PLCB4: variants seen among roughly 807,000 people sequenced by gnomAD.
PLCB4 encodes 1-phosphatidylinositol 4,5-bisphosphate phosphodiesterase beta-4.
A neutral mutation model predicts 178.8 loss-of-function variants in PLCB4; 77 were observed. The ratio of observed to expected loss-of-function variants is 0.43; its 90% CI spans 0.36 to 0.52. The LOEUF (loss-of-function observed/expected upper bound fraction) is 0.52, where lower values mean the gene tolerates loss of function less well. PLCB4 is among the 20% of genes least tolerant of loss of function. The probability of loss-of-function intolerance (pLI) is 0.00; values close to 1 mark genes in which losing one functional copy is unlikely to be tolerated. For missense variants in PLCB4, 1,024 were observed against 1,453.4 expected, an observed-to-expected ratio of 0.70 and a Z score of 4.80; for synonymous variants, 496 against 490.8, an observed-to-expected ratio of 1.01 and a Z score of -0.14.
chr20:9,337,885 C>T, intron 5 of PLCB4, 123 bp from the exon 6 acceptor site: 12 of 606,266 alleles, frequency 2.0e-5, no homozygotes, highest in Admixed American at 2.8e-5. Context: ...GTTTTAATTC[C>T]CTCTTCAAGC....
chr20:9,355,631 A>G (rs1602062690), intron 7 of PLCB4, among the ~76,000 whole-genome samples: 1 of 151,708 alleles, frequency 6.6e-6, no homozygotes, highest in African/African-American at 2.4e-5. Context: ...TGAACTCATC[A>G]TTTTTTATGG....
chr20:9,122,418 G>T (rs1031237373), intron 2 of PLCB4, among the ~76,000 whole-genome samples: 10 of 151,742 alleles, frequency 6.6e-5, no homozygotes, highest in Admixed American at 5.9e-4. Context: ...TTTAATGGTT[G>T]CATACCTTTA....
intron 1 of PLCB4, among the ~76,000 whole-genome samples, chr20:9,078,356 CTCTTT>C (rs10626082): frequency 2.6e-4 from 40 of 151,304 alleles, no homozygotes; most frequent in Middle Eastern, 3.4e-3. Context: ...TTCTTTTCTT[CTCTTT>C]TCTTTTCTTC....
chr20:9,432,420 G>A (rs1262533555), intron 28 of PLCB4, among the ~76,000 whole-genome samples: 1 of 152,176 alleles, frequency 6.6e-6, no homozygotes, highest in East Asian at 1.9e-4. Flanking sequence ...TTAAAAATTA[G>A]CGAGTATTTG....
chr20:9,290,163 T>A (rs1713551418), intron 3 of PLCB4, among the ~76,000 whole-genome samples: 1 of 144,028 alleles, frequency 6.9e-6, no homozygotes, highest in South Asian at 2.3e-4. Context: ...AACTTTATCC[T>A]TTCAGAAAAA....
intron 27 of PLCB4, among the ~76,000 whole-genome samples, chr20:9,423,464 G>A (rs1208120494): frequency 6.6e-6 from 1 of 152,096 alleles, no homozygotes; most frequent in Non-Finnish European, 1.5e-5. Context: ...TATATGGGTG[G>A]GGACAAGGAT....
intron 2 of PLCB4, among the ~76,000 whole-genome samples, chr20:9,169,588 T>G (rs1330799079): frequency 1.4e-5 from 2 of 138,170 alleles, no homozygotes; most frequent in Admixed American, 7.1e-5. Flanking sequence ...GACTGTCTAA[T>G]AAATAAATAA....
chr20:9,202,876 A>G (rs1224855680), intron 2 of PLCB4, among the ~76,000 whole-genome samples: 1 of 151,922 alleles, frequency 6.6e-6, no homozygotes. Flanking sequence ...GGGCTCTGAC[A>G]TCAGCAGCTG....
chr20:9,160,774 G>A (rs2092875490), intron 2 of PLCB4, among the ~76,000 whole-genome samples: 1 of 152,186 alleles, frequency 6.6e-6, no homozygotes, highest in Admixed American at 6.6e-5. Flanking sequence ...AAGCCTTGTG[G>A]AAAACAGAGA....
At chr20:9,459,160 A>G (rs2043234045) in intron 34 of PLCB4, among the ~76,000 whole-genome samples, 1 of 152,176 alleles carries the variant, frequency 6.6e-6, no homozygotes, top group Admixed American at 6.5e-5. Context: ...CCTGGCCAAC[A>G]TGGTGAAACC....
chr20:9,154,905 C>CTTCCTTCCT (rs1473005178), intron 2 of PLCB4, among the ~76,000 whole-genome samples: 1 of 62,338 alleles, frequency 1.6e-5, no homozygotes, highest in African/African-American at 6.0e-5. Context: ...CCCTCCTTCC[C>CTTCCTTCCT]TCCTTCCTTC....
chr20:9,192,528 C>CTTTT (rs57026127), intron 2 of PLCB4, among the ~76,000 whole-genome samples: 1 of 135,336 alleles, frequency 7.4e-6, no homozygotes, highest in African/African-American at 2.7e-5. Flanking sequence ...ATTTTTTTTT[C>CTTTT]TTTTTTTTTT....
chr20:9,211,856 G>A (rs1334777604), intron 2 of PLCB4, among the ~76,000 whole-genome samples: 1 of 152,122 alleles, frequency 6.6e-6, no homozygotes, highest in Non-Finnish European at 1.5e-5. Context: ...TTTTAAGATG[G>A]TACATGGAAA....
chr20:9,415,604 GTCTT>G, intron 25 of PLCB4, among the ~76,000 whole-genome samples: 1 of 152,200 alleles, frequency 6.6e-6, no homozygotes, highest in Non-Finnish European at 1.5e-5. Context: ...TTGGATCCCT[GTCTT>G]GGCATTGGCT....
chr20:9,177,660 CAT>C (rs2093177180), intron 2 of PLCB4, among the ~76,000 whole-genome samples: 1 of 152,132 alleles, frequency 6.6e-6, no homozygotes, highest in Non-Finnish European at 1.5e-5. Context: ...TCATGAAAGA[CAT>C]TGTGTTGTAT....
chr20:9,163,455 T>C (rs545844761), intron 2 of PLCB4, among the ~76,000 whole-genome samples: 8 of 152,226 alleles, frequency 5.3e-5, no homozygotes, highest in African/African-American at 1.9e-4. Flanking sequence ...AACAGAGAGG[T>C]TGAAGCCCTA....
At chr20:9,425,528 A>G (rs938296866) in intron 28 of PLCB4, among the ~76,000 whole-genome samples, 1 of 152,248 alleles carries the variant, frequency 6.6e-6, no homozygotes, top group Non-Finnish European at 1.5e-5. Context: ...GTTGTTCAGA[A>G]TGGATGTAAG....
rs115489630 is a variant in PLCB4, at chr20:9,478,387, C to G, written c.3533-534C>G. The stretch of plus-strand genomic sequence containing the variant: ...TGTAACATTCCATTTACAGAAGACT[C>G]CAGCCAATCCAATGTAATATGCTCT... On this transcript the variant is annotated intron_variant, in intron 39 of 39. Transcript: ENST00000378473. Among the ~76,000 whole-genome samples the G allele has an allele frequency of 7.4e-3, 1,134 of 152,248 alleles. 14 individuals carry two copies. Among genetic ancestry groups the G allele is most frequent in the African/African-American group, 0.026 (1,088 of 41,548 alleles).
chr20:9,239,384 G>A (rs2094030396), intron 3 of PLCB4, among the ~76,000 whole-genome samples: 1 of 152,124 alleles, frequency 6.6e-6, no homozygotes, highest in South Asian at 2.1e-4. Flanking sequence ...ATCCTGTAGG[G>A]GAGAAAAAGC....
Sources: gnomAD v4.1 joint callset for allele counts (sites outside exome capture counted in the v4.1 genomes callset) on GRCh38, gnomAD v4.1.1 for gene constraint, MANE v1.5 for transcripts, NCBI Gene and HGNC (gene_info 2026-07-23, HGNC 2026-07-21) for gene names.